ADAMTS12: variants seen among roughly 807,000 people sequenced by gnomAD.
ADAMTS12 encodes ADAM metallopeptidase with thrombospondin type 1 motif 12.
In ADAMTS12, 118 loss-of-function variants were observed where a neutral mutation model predicts 167.8. The ratio of observed to expected loss-of-function variants is 0.70; its 90% CI spans 0.61 to 0.82. ADAMTS12 has a LOEUF of 0.82. Among genes scored for constraint, ADAMTS12 ranks in the 40% least tolerant of loss-of-function variants. ADAMTS12 has a pLI of 0.00. For synonymous variants in ADAMTS12, 704 were observed against 716.9 expected, an observed-to-expected ratio of 0.98 and a Z score of 0.29; for missense variants, 1,916 against 1,998.8, an observed-to-expected ratio of 0.96 and a Z score of 0.79.
At position 33,657,802 on chromosome 5, in the gene ADAMTS12, A is replaced by G. The variant is rs566124448; in HGVS notation, c.1190+382T>C. Among the ~76,000 whole-genome samples the G allele has an allele frequency of 4.6e-5, 7 of 152,314 alleles. No individual in the cohort carries two copies. The East Asian group carries it at 1.3e-3, about 29-fold the overall frequency. ...ACAATGGCACAAAGTAAGGTGCAAA[A>G]ATGTTAGGTTTTATGGCTTTTTAGT... On this transcript the variant is annotated intron_variant, in intron 7 of 23. Transcript: ENST00000504830.
At chr5:33,555,916 G>C (rs572499858) in intron 20 of ADAMTS12, among the ~76,000 whole-genome samples, 4 of 152,256 alleles carry the variant, frequency 2.6e-5, no homozygotes, top group Non-Finnish European at 5.9e-5. Context: ...GTAGTACTGG[G>C]GAGTGAACAC....
rs574555981 is a variant in ADAMTS12, at chr5:33,813,192, T to C, written c.490-61644A>G. ...AGTCCCACCAGCAATATTTAAAGAG[T>C]CTATATTGCTCTGCATCCTCCCCAA... is the stretch of plus-strand genomic sequence containing the variant. On this transcript the variant is annotated intron_variant, in intron 2 of 23. Coordinates refer to ENST00000504830, the MANE Select transcript of ADAMTS12 (RefSeq NM_030955.4). Among the ~76,000 whole-genome samples, 7 of 152,140 alleles carry C rather than the reference T, an allele frequency of 4.6e-5. No individual in the cohort carries two copies. In the East Asian group the frequency reaches 1.4e-3, roughly 29 times the overall value.
intron 11 of ADAMTS12, 40 bp from the exon 12 acceptor site, chr5:33,637,786 C>T (rs4076946): frequency 6.2e-7 from 1 of 1,602,358 alleles, no homozygotes; most frequent in Non-Finnish European, 8.5e-7. Flanking sequence ...TAGTTTGCTT[C>T]AACGCCAGCA....
chr5:33,642,088 AC>A, intron 10 of ADAMTS12, 133 bp from the exon 11 acceptor site: 1 of 860,606 alleles, frequency 1.2e-6, no homozygotes, highest in Non-Finnish European at 1.7e-6. Flanking sequence ...CAGATGTAAA[AC>A]AAACAGGGGC....
At chr5:33,863,647 T>A (rs1447198551) in intron 2 of ADAMTS12, among the ~76,000 whole-genome samples, 7 of 152,174 alleles carry the variant, frequency 4.6e-5, no homozygotes, top group Non-Finnish European at 1.0e-4. Flanking sequence ...ATTTATAGAT[T>A]CAATGCTATC....
At chr5:33,860,028 A>AG (rs1447912594) in intron 2 of ADAMTS12, among the ~76,000 whole-genome samples, 2 of 152,234 alleles carry the variant, frequency 1.3e-5, no homozygotes, top group African/African-American at 4.8e-5. Flanking sequence ...CAAAGACCAA[A>AG]GGTCGATAAA....
chr5:33,591,847 T>C (rs1579715876), intron 17 of ADAMTS12, among the ~76,000 whole-genome samples: 1 of 152,230 alleles, frequency 6.6e-6, no homozygotes, highest in Non-Finnish European at 1.5e-5. Context: ...GGGTTTCTAT[T>C]GGCATCTAGT....
chr5:33,758,791 C>T (rs7734337), intron 2 of ADAMTS12, among the ~76,000 whole-genome samples: 56,478 of 151,930 alleles, frequency 0.37, 11,891 homozygotes, highest in East Asian at 0.58. Context: ...CAACTCACAG[C>T]CCAGATTCAG....
intron 7 of ADAMTS12, 69 bp downstream of exon 7, chr5:33,658,115 C>T (rs1741125513): frequency 1.3e-6 from 2 of 1,582,180 alleles, no homozygotes; most frequent in Non-Finnish European, 1.7e-6. Flanking sequence ...GTGTGTTCAC[C>T]TCAAATTCTC....
At chr5:33,650,988 A>G (rs1252335020) in intron 7 of ADAMTS12, among the ~76,000 whole-genome samples, 1 of 152,100 alleles carries the variant, frequency 6.6e-6, no homozygotes, top group Non-Finnish European at 1.5e-5. Flanking sequence ...GGATTTGGAG[A>G]TTTTCTTGTG....
At chr5:33,698,570 T>TAAC (rs1472977547) in intron 3 of ADAMTS12, among the ~76,000 whole-genome samples, 3 of 152,192 alleles carry the variant, frequency 2.0e-5, no homozygotes, top group Non-Finnish European at 4.4e-5. Context: ...CTAGTGCCTT[T>TAAC]AACACAGTAG....
intron 16 of ADAMTS12, among the ~76,000 whole-genome samples, chr5:33,612,026 G>GAA (rs1738751498): frequency 6.6e-6 from 1 of 152,238 alleles, no homozygotes; most frequent in African/African-American, 2.4e-5. Context: ...ATCCATCACT[G>GAA]AATGATTCAG....
chr5:33,713,721 G>A (rs1010833110), intron 3 of ADAMTS12, among the ~76,000 whole-genome samples: 2 of 152,020 alleles, frequency 1.3e-5, no homozygotes, highest in African/African-American at 2.4e-5. Context: ...ATATTCTGTC[G>A]ATTCACTTGT....
At chr5:33,822,825 C>T (rs142716610) in intron 2 of ADAMTS12, among the ~76,000 whole-genome samples, 13 of 152,222 alleles carry the variant, frequency 8.5e-5, no homozygotes, top group African/African-American at 9.6e-5. Flanking sequence ...TGGTGGCTCA[C>T]GCCTGTAATC....
At chr5:33,874,939 G>T (rs541813813) in intron 2 of ADAMTS12, among the ~76,000 whole-genome samples, 1 of 152,096 alleles carries the variant, frequency 6.6e-6, no homozygotes, top group African/African-American at 2.4e-5. Context: ...ATTGTGGCAC[G>T]TGCCTATAAT....
At chr5:33,533,797 C>T (rs1478211827) in intron 23 of ADAMTS12, among the ~76,000 whole-genome samples, 1 of 152,148 alleles carries the variant, frequency 6.6e-6, no homozygotes, top group Non-Finnish European at 1.5e-5. Flanking sequence ...AATTCACAGA[C>T]TCCTTAACAA....
At chr5:33,676,171 A>G (rs1741894184) in intron 5 of ADAMTS12, among the ~76,000 whole-genome samples, 1 of 152,208 alleles carries the variant, frequency 6.6e-6, no homozygotes, top group Non-Finnish European at 1.5e-5. Context: ...AGAAGAAATC[A>G]TAGAAAGCTC....
chr5:33,585,867 G>A (rs1284171261), intron 18 of ADAMTS12, among the ~76,000 whole-genome samples: 1 of 152,124 alleles, frequency 6.6e-6, no homozygotes, highest in African/African-American at 2.4e-5. Flanking sequence ...AGGGATGAGT[G>A]TACCAACCTG....
In ADAMTS12 at chr5:33,535,990, C is replaced by G. The variant is rs534008066; in HGVS notation, c.4447-998G>C. On this transcript the variant is annotated intron_variant, in intron 22 of 23. Coordinates refer to ENST00000504830, the MANE Select transcript of ADAMTS12 (RefSeq NM_030955.4). ...TCCACTGCAATGTCATGATCGCCCA[C>G]CTGGCTGCAGGAGGGAGATTCGCTG... Among the ~76,000 whole-genome samples the G allele has an allele frequency of 3.7e-4, 57 of 152,234 alleles. No homozygotes were observed. In the South Asian group the frequency reaches 0.011, roughly 29 times the overall value.
Sources: allele counts gnomAD v4.1 joint callset (sites outside exome capture counted in the v4.1 genomes callset), GRCh38; gene constraint gnomAD v4.1.1; transcripts MANE v1.5; gene names NCBI Gene and HGNC (gene_info 2026-07-23, HGNC 2026-07-21).